The following GRID1 variants were observed in gnomAD, a reference collection of about 807,000 sequenced individuals.
The protein encoded by GRID1 is glutamate receptor ionotropic, delta-1.
Under a neutral mutation model 98.0 loss-of-function variants are expected in GRID1, and 28 were observed. The observed-to-expected ratio is 0.29, with a 90% CI of 0.21 to 0.39. GRID1 has a LOEUF of 0.39. GRID1 is among the 10% of genes least tolerant of loss of function. The pLI is 1.00. For synonymous variants in GRID1, 553 were observed against 538.5 expected (o/e 1.03, Z -0.37); for missense variants, 1,111 against 1,340.5 (o/e 0.83, Z 2.67).
intron 2 of GRID1, among the ~76,000 whole-genome samples, chr10:86,260,692 G>A (rs1324335131): frequency 3.9e-5 from 6 of 152,194 alleles, no homozygotes; most frequent in East Asian, 3.9e-4. Flanking sequence ...GAAAATCCTC[G>A]CCCAGCCCCA....
intron 5 of GRID1, among the ~76,000 whole-genome samples, chr10:85,875,167 C>G (rs1970525): frequency 0.06 from 9,082 of 152,186 alleles, 308 homozygotes; most frequent in Non-Finnish European, 0.071. Flanking sequence ...TGTCAGCTAT[C>G]GTGCCTGGCC....
At chr10:85,905,519 G>T (rs768939601) in intron 5 of GRID1, among the ~76,000 whole-genome samples, 2 of 152,014 alleles carry the variant, frequency 1.3e-5, no homozygotes, top group African/African-American at 4.8e-5. Flanking sequence ...CTCTTTAAAA[G>T]ATAACTGACT....
At chr10:85,735,726 C>T (rs1841872558) in intron 8 of GRID1, among the ~76,000 whole-genome samples, 1 of 151,816 alleles carries the variant, frequency 6.6e-6, no homozygotes, top group Non-Finnish European at 1.5e-5. Flanking sequence ...GTTTTACAGC[C>T]CAGAGACAAA....
At chr10:85,836,642 G>A (rs1436011377) in intron 8 of GRID1, among the ~76,000 whole-genome samples, 1 of 152,194 alleles carries the variant, frequency 6.6e-6, no homozygotes, top group Non-Finnish European at 1.5e-5. Flanking sequence ...TGGTATAGGT[G>A]CAGCTGTAGT....
At chr10:85,897,970 T>C (rs1159833130) in intron 5 of GRID1, among the ~76,000 whole-genome samples, 1 of 152,132 alleles carries the variant, frequency 6.6e-6, no homozygotes, top group African/African-American at 2.4e-5. Context: ...CAGTCACACA[T>C]TGCTTAATGA....
At chr10:86,059,621 A>G (rs1403328853) in intron 4 of GRID1, among the ~76,000 whole-genome samples, 2 of 152,264 alleles carry the variant, frequency 1.3e-5, no homozygotes, top group African/African-American at 2.4e-5. Context: ...TTTAACCAAC[A>G]AAGTACCATT....
chr10:86,090,787 G>A (rs1844134890), intron 4 of GRID1, among the ~76,000 whole-genome samples: 2 of 152,156 alleles, frequency 1.3e-5, no homozygotes, highest in Admixed American at 6.5e-5. Flanking sequence ...GCTTCTGCAG[G>A]ACCCAAGAGA....
At chr10:85,923,225 C>T (rs1030823078) in intron 4 of GRID1, among the ~76,000 whole-genome samples, 3 of 152,116 alleles carry the variant, frequency 2.0e-5, no homozygotes, top group Non-Finnish European at 4.4e-5. Context: ...GAACAGGAAA[C>T]ACCCCATCTG....
intron 8 of GRID1, among the ~76,000 whole-genome samples, chr10:85,793,397 G>C (rs1166430483): frequency 2.0e-5 from 3 of 152,184 alleles, no homozygotes; most frequent in African/African-American, 7.2e-5. Context: ...CTCTTACCCA[G>C]CTCCTCTTAC....
At chr10:85,755,126 T>G (rs902031872) in intron 8 of GRID1, among the ~76,000 whole-genome samples, 5 of 152,132 alleles carry the variant, frequency 3.3e-5, no homozygotes, top group Non-Finnish European at 5.9e-5. Flanking sequence ...CGGCCCTTTT[T>G]CATAGGCTAG....
chr10:85,696,608 T>A (rs973919847), intron 12 of GRID1, among the ~76,000 whole-genome samples: 1 of 152,122 alleles, frequency 6.6e-6, no homozygotes, highest in Non-Finnish European at 1.5e-5. Context: ...TTATTAAAAT[T>A]ACCAAATAAC....
At chr10:86,266,262 A>T (rs745453594) in intron 2 of GRID1, among the ~76,000 whole-genome samples, 11 of 151,406 alleles carry the variant, frequency 7.3e-5, no homozygotes, top group Non-Finnish European at 1.5e-4. Flanking sequence ...CCTGCCACCA[A>T]CCCCCAATGC....
At chr10:86,131,409 G>C (rs983903633) in intron 4 of GRID1, among the ~76,000 whole-genome samples, 1 of 152,158 alleles carries the variant, frequency 6.6e-6, no homozygotes, top group Non-Finnish European at 1.5e-5. Flanking sequence ...GGCCAAAGGG[G>C]CTACCTGCTA....
chr10:86,093,885 C>G (rs1195251768), intron 4 of GRID1, among the ~76,000 whole-genome samples: 5 of 152,074 alleles, frequency 3.3e-5, no homozygotes, highest in Admixed American at 1.3e-4. Context: ...CAGGAAAGGA[C>G]GTAACCAAAA....
At chr10:85,811,834 C>T (rs1842674550) in intron 8 of GRID1, among the ~76,000 whole-genome samples, 1 of 152,126 alleles carries the variant, frequency 6.6e-6, no homozygotes, top group African/African-American at 2.4e-5. Flanking sequence ...GAGAGATGGA[C>T]ATCCAGGTCC....
chr10:85,669,320 C>A (rs1244337239), intron 12 of GRID1, among the ~76,000 whole-genome samples: 1 of 152,168 alleles, frequency 6.6e-6, no homozygotes, highest in Non-Finnish European at 1.5e-5. Context: ...TTACAGAGAG[C>A]ATCTCTTCAT....
At chr10:86,335,865 C>G (rs764788571) in intron 2 of GRID1, among the ~76,000 whole-genome samples, 2 of 152,242 alleles carry the variant, frequency 1.3e-5, no homozygotes, top group Non-Finnish European at 2.9e-5. Context: ...GAAAGAACCC[C>G]TCTCCAACCT....
intron 5 of GRID1, among the ~76,000 whole-genome samples, chr10:85,869,509 A>G (rs1284031874): frequency 6.6e-6 from 1 of 152,234 alleles, no homozygotes; most frequent in African/African-American, 2.4e-5. Flanking sequence ...CAGAAAGGCT[A>G]ACTTTCCTTT....
At chr10:85,868,636 A>G (rs1200499764) in intron 6 of GRID1, among the ~76,000 whole-genome samples, 2 of 152,106 alleles carry the variant, frequency 1.3e-5, no homozygotes, top group African/African-American at 4.8e-5. Context: ...TATTAACAAG[A>G]ACCTAAAACA....
Sources: allele counts gnomAD v4.1 joint callset (sites outside exome capture counted in the v4.1 genomes callset), GRCh38; gene constraint gnomAD v4.1.1; transcripts MANE v1.5; gene names NCBI Gene and HGNC (gene_info 2026-07-23, HGNC 2026-07-21).